The following PREP variants were observed in gnomAD, a reference collection of about 807,000 sequenced individuals.
The protein encoded by PREP is prolyl endopeptidase.
In PREP, 29 loss-of-function variants were observed where a neutral mutation model predicts 87.6. The observed-to-expected ratio is 0.33, with a 90% CI of 0.25 to 0.45. PREP has a LOEUF of 0.45. Ranked by LOEUF, PREP falls within the 20% of genes least tolerant of loss-of-function variation. PREP has a pLI of 1.00. For synonymous variants in PREP, 337 were observed against 328.6 expected (o/e 1.03, Z -0.28); for missense variants, 695 against 886.5 (o/e 0.78, Z 2.74).
intron 2 of PREP, among the ~76,000 whole-genome samples, chr6:105,387,021 TG>T (rs1428013472): frequency 6.6e-5 from 10 of 152,186 alleles, no homozygotes; most frequent in African/African-American, 2.4e-4. Flanking sequence ...AAGACCAGCT[TG>T]GCCAACATGG....
chr6:105,301,329 C>G (rs1388740618), intron 10 of PREP, among the ~76,000 whole-genome samples: 2 of 152,216 alleles, frequency 1.3e-5, no homozygotes, highest in Non-Finnish European at 2.9e-5. Context: ...CCAAATAAAT[C>G]TGACAAGGAG....
At chr6:105,298,984 A>C (rs1770475258) in intron 10 of PREP, 2 of 152,294 alleles carry the variant, frequency 1.3e-5, no homozygotes, top group African/African-American at 4.8e-5. Context: ...GCACAGCAGC[A>C]TAACAATATT....
rs1428446540 is a variant in PREP, at chr6:105,373,385, C to G, written c.579G>C (p.Gln193His). Reference sequence around the variant, plus strand: ...TTCACTCACCATCACTTTTTCCATCCTGTTGAGGGTATGAGTTGTAGAACA... The same window carrying G: ...TTCACTCACCATCACTTTTTCCATCGTGTTGAGGGTATGAGTTGTAGAACA... ...KGMFYNSYPQ[Q>H]DGKSDGTETS... Residue 193 changes from glutamine (Q) to histidine (H), a missense_variant, in exon 5 of 15, where the codon CAG becomes CAC. Gln to His is a conservative substitution (Grantham distance 24). This residue lies in a region of PREP where 517 missense variants were observed against 620.3 expected (regional missense o/e 0.83). Coordinates refer to ENST00000652536, the MANE Select transcript of PREP (RefSeq NM_002726.5). 2 of 1,614,066 alleles carry G rather than the reference C, an allele frequency of 1.2e-6. No homozygotes were observed. The highest frequency in any genetic ancestry group is 2.7e-5 in the African/African-American group (2 of 75,016).
At chr6:105,349,648 CT>C in intron 7 of PREP, among the ~76,000 whole-genome samples, 1 of 152,002 alleles carries the variant, frequency 6.6e-6, no homozygotes, top group Middle Eastern at 3.4e-3. Flanking sequence ...TACAAAAATG[CT>C]GATAATTCCC....
chr6:105,348,134 T>C (rs1412594677), intron 7 of PREP, among the ~76,000 whole-genome samples: 1 of 152,202 alleles, frequency 6.6e-6, no homozygotes, highest in Non-Finnish European at 1.5e-5. Context: ...TTGATACTTC[T>C]TCACTTTTGA....
chr6:105,298,086 AT>A (rs1426413867), intron 10 of PREP: 1 of 152,210 alleles, frequency 6.6e-6, no homozygotes, highest in Non-Finnish European at 1.5e-5. Flanking sequence ...TCTTTCCTTA[AT>A]TTCATTTTCT....
At chr6:105,286,260 C>T (rs1770186967) in intron 11 of PREP, among the ~76,000 whole-genome samples, 1 of 152,180 alleles carries the variant, frequency 6.6e-6, no homozygotes, top group Non-Finnish European at 1.5e-5. Flanking sequence ...GAGTAACTTT[C>T]TCCAAACTGT....
At chr6:105,351,228 A>G (rs1562211455) in intron 7 of PREP, among the ~76,000 whole-genome samples, 2 of 152,230 alleles carry the variant, frequency 1.3e-5, no homozygotes, top group Non-Finnish European at 2.9e-5. Context: ...GGATAATTTG[A>G]GTGGGCCTGA....
At chr6:105,317,301 C>T (rs180759572) in intron 10 of PREP, among the ~76,000 whole-genome samples, 9 of 151,880 alleles carry the variant, frequency 5.9e-5, no homozygotes, top group African/African-American at 9.7e-5. Context: ...TGAGCTATAG[C>T]GAGAATAACT....
chr6:105,378,490 C>A (rs1772752029), intron 2 of PREP, among the ~76,000 whole-genome samples: 1 of 152,122 alleles, frequency 6.6e-6, no homozygotes, highest in South Asian at 2.1e-4. Context: ...ACACCTGAAA[C>A]AAGTGGCATT....
rs577344152 is a variant in PREP at position 105,340,315 on chromosome 6, G to T, written c.824-6810C>A. 1.5e-4 allele frequency among the ~76,000 whole-genome samples: 23 copies of T among 152,126 alleles called. 1 individual carries two copies. Among genetic ancestry groups the T allele is most frequent in the Admixed American group, 3.9e-4 (6 of 15,268 alleles). On this transcript the variant is annotated intron_variant, in intron 7 of 14. Coordinates refer to ENST00000652536, the MANE Select transcript of PREP (RefSeq NM_002726.5). ...CTAAGCTTCATAAGTGAAGGAGAAA[G>T]AAAATCCTTTACAGACAGACAAACT... is the stretch of plus-strand genomic sequence containing the variant.
chr6:105,344,982 T>C (rs1771759636), intron 7 of PREP, among the ~76,000 whole-genome samples: 1 of 152,264 alleles, frequency 6.6e-6, no homozygotes, highest in South Asian at 2.1e-4. Flanking sequence ...GGAATGTGGC[T>C]GGATTCACAA....
At position 105,282,492 on chromosome 6, in the gene PREP, C is replaced by T. The variant is rs1457515123; in HGVS notation, c.1640G>A (p.Arg547Lys). 1.2e-6 allele frequency: 2 copies of T among 1,614,058 alleles called. No individual in the cohort carries two copies. The highest frequency in any genetic ancestry group is 1.7e-6 in the Non-Finnish European group (2 of 1,180,026). Reference protein sequence around the residue: ...LIKEGYTSPKRLTINGGSNGG... With the variant: ...LIKEGYTSPKKLTINGGSNGG... The stretch of plus-strand genomic sequence containing the variant: ...ATTTGAACCTCCATTAATAGTCAGC[C>T]TCTTGGGAGATGTGTAACCTTCCTT... The change falls in exon 13 of 15, where the codon AGG becomes AAG. Residue 547 changes from arginine to lysine, a missense_variant. Arg to Lys is a conservative substitution (Grantham distance 26). Coordinates refer to ENST00000652536, the MANE Select transcript of PREP (RefSeq NM_002726.5).
chr6:105,305,916 C>T (rs898116329), intron 10 of PREP, among the ~76,000 whole-genome samples: 9 of 151,954 alleles, frequency 5.9e-5, no homozygotes, highest in African/African-American at 2.2e-4. Flanking sequence ...TCATAGCTCA[C>T]TTGCAGCCTC....
chr6:105,303,667 G>A (rs1249520333), intron 10 of PREP, among the ~76,000 whole-genome samples: 2 of 152,094 alleles, frequency 1.3e-5, no homozygotes, highest in African/African-American at 4.8e-5. Context: ...ACTTAAAACA[G>A]CACAAATGGC....
At position 105,275,242 on chromosome 6, in the gene PREP, T is replaced by C. The variant is rs913293307; in HGVS notation, c.*2902A>G. On this transcript the variant is annotated 3_prime_UTR_variant, in exon 15 of 15. Coordinates refer to ENST00000652536, the MANE Select transcript of PREP (RefSeq NM_002726.5). ...CCTGCTGGGAACTTCCAGAGGCTGG[T>C]AAAACTGACAAACCTTGAGAGACTG... Among the ~76,000 whole-genome samples the C allele has an allele frequency of 1.3e-5, 2 of 152,356 alleles. No individual in the cohort carries two copies. The highest frequency in any genetic ancestry group is 2.4e-5 in the African/African-American group (1 of 41,592).
At chr6:105,307,698 C>T (rs1407692292) in intron 10 of PREP, among the ~76,000 whole-genome samples, 2 of 152,080 alleles carry the variant, frequency 1.3e-5, no homozygotes, top group African/African-American at 4.8e-5. Context: ...CCGCAACCTC[C>T]ACCTCCCGGG....
At chr6:105,368,387 G>A (rs1481919591) in intron 6 of PREP, among the ~76,000 whole-genome samples, 2 of 152,138 alleles carry the variant, frequency 1.3e-5, no homozygotes, top group Non-Finnish European at 2.9e-5. Flanking sequence ...TCAAGAGGTT[G>A]GTCCCTGTCA....
At chr6:105,377,199 T>TATTATTTTAACAATTTGG in intron 3 of PREP, among the ~76,000 whole-genome samples, 187 bp downstream of exon 3, 1 of 152,326 alleles carries the variant, frequency 6.6e-6, no homozygotes, top group Middle Eastern at 3.4e-3. Flanking sequence ...ATTTCTTAAC[T>TATTATTTTAACAATTTGG]ATTATTTTAA....
Sources: allele counts gnomAD v4.1 joint callset (sites outside exome capture counted in the v4.1 genomes callset), GRCh38; gene constraint gnomAD v4.1.1; regional missense constraint gnomAD v4.1.1; transcripts MANE v1.5; gene names NCBI Gene and HGNC (gene_info 2026-07-23, HGNC 2026-07-21).